The following MTUS2 variants were observed in gnomAD, a reference collection of about 807,000 sequenced individuals.
The protein encoded by MTUS2 is microtubule associated scaffold protein 2.
Under a neutral mutation model 114.1 loss-of-function variants are expected in MTUS2, and 40 were observed. The ratio of observed to expected loss-of-function variants is 0.35; its 90% CI spans 0.27 to 0.46. MTUS2 has a LOEUF of 0.46. Among genes scored for constraint, MTUS2 ranks in the 20% least tolerant of loss-of-function variants. The pLI is 1.00. For missense variants in MTUS2, 1,679 were observed against 1,705.4 expected (o/e 0.98, Z 0.27); for synonymous variants, 688 against 672.0 (o/e 1.02, Z -0.37).
At chr13:29,156,825 G>A (rs1301654761) in intron 5 of MTUS2, among the ~76,000 whole-genome samples, 3 of 151,910 alleles carry the variant, frequency 2.0e-5, no homozygotes, top group South Asian at 2.1e-4. Context: ...AATTTTTCCC[G>A]CTTTGTTACC....
At chr13:28,963,298 C>T (rs560631231) in intron 2 of MTUS2, among the ~76,000 whole-genome samples, 1 of 152,186 alleles carries the variant, frequency 6.6e-6, no homozygotes, top group Non-Finnish European at 1.5e-5. Flanking sequence ...TTGCAGTGAG[C>T]TGAGATCGTG....
At chr13:29,243,656 C>G (rs1157681421) in intron 5 of MTUS2, among the ~76,000 whole-genome samples, 1 of 151,992 alleles carries the variant, frequency 6.6e-6, no homozygotes, top group Non-Finnish European at 1.5e-5. Context: ...GGGTAGGGAG[C>G]CCAGAAAGGA....
In MTUS2 at chr13:29,442,410, C is replaced by A. The variant is rs116480653; in HGVS notation, c.3184+2361C>A. Among the ~76,000 whole-genome samples, 220 of 152,318 alleles carry A rather than the reference C, an allele frequency of 1.4e-3. 1 individual carries two copies. Among genetic ancestry groups the A allele is most frequent in the African/African-American group, 5.2e-3 (216 of 41,564 alleles). On this transcript the variant is annotated intron_variant, in intron 9 of 15. Transcript: ENST00000612955. The stretch of plus-strand genomic sequence containing the variant: ...ATATTTTTGTTTTATTCTTAAGGAA[C>A]CACAATGACTTGCTTGTGATTGGGC...
intron 7 of MTUS2, among the ~76,000 whole-genome samples, chr13:29,344,216 T>C (rs1868433771): frequency 7.6e-6 from 1 of 131,758 alleles, no homozygotes; most frequent in African/African-American, 2.7e-5. Context: ...ACTTTCTGTC[T>C]TGATGACCTG....
intron 2 of MTUS2, among the ~76,000 whole-genome samples, chr13:28,902,653 C>A (rs1879713493): frequency 6.6e-6 from 1 of 152,092 alleles, no homozygotes; most frequent in South Asian, 2.1e-4. Context: ...GTGGAACCAG[C>A]CTTGCATACC....
rs1206077808 is a variant in MTUS2 at position 29,359,464 on chromosome 13, C to T, written c.3108C>T (p.Phe1036=). ...CCCTCGCCGTGGCCACGCAGCATTT[C>T]TTTAGAAAGGTGAGGCCCCATTTCG... ...FDALAVATQH[F]FRKNESALVK... The change falls in exon 8 of 16, where the codon TTC becomes TTT. Residue 1036 remains phenylalanine (F), a synonymous_variant. Coordinates refer to ENST00000612955, the MANE Select transcript of MTUS2 (RefSeq NM_001033602.4). 1 of 1,609,824 alleles carries T rather than the reference C, an allele frequency of 6.2e-7. No individual in the cohort carries two copies. Among genetic ancestry groups the T allele is most frequent in the Non-Finnish European group, 8.5e-7 (1 of 1,178,696 alleles).
At position 29,498,472 on chromosome 13, in the gene MTUS2, G is replaced by A. The variant is rs776075433; in HGVS notation, c.3733G>A (p.Val1245Ile). ...LEEDMKSLKQ[V>I]LEMKNQQIHE... ...AGAAGACATGAAGAGTCTGAAGCAGGTATTAGAAATGAAGAATCAGCAAAT... is the reference window on the plus strand; with the variant it reads ...AGAAGACATGAAGAGTCTGAAGCAGATATTAGAAATGAAGAATCAGCAAAT... The change falls in exon 14 of 16, where the codon GTA (valine) becomes ATA (isoleucine). Residue 1245 changes from valine (V) to isoleucine (I), a missense_variant. Physicochemically the swap from Val to Ile is conservative, Grantham distance 29. Around this residue, in one of 3 missense-constraint regions of MTUS2, gnomAD observed 822 missense variants for 899.7 expected, o/e 0.91. Transcript: ENST00000612955. 1 of 1,614,184 alleles carries A rather than the reference G, an allele frequency of 6.2e-7. No homozygotes were observed. The highest frequency in any genetic ancestry group is 1.1e-5 in the South Asian group (1 of 91,082).
intron 9 of MTUS2, among the ~76,000 whole-genome samples, chr13:29,448,602 G>C (rs1431018398): frequency 6.6e-6 from 1 of 151,648 alleles, no homozygotes; most frequent in Non-Finnish European, 1.5e-5. Flanking sequence ...CAGAGCTTGT[G>C]ACAGCCTCTG....
intron 4 of MTUS2, among the ~76,000 whole-genome samples, chr13:29,048,010 A>T (rs1229386302): frequency 2.0e-5 from 3 of 152,192 alleles, no homozygotes; most frequent in African/African-American, 7.2e-5. Context: ...GCTGAATAAT[A>T]TTCTATTGTA....
chr13:29,244,374 G>C (rs9551636), intron 5 of MTUS2, among the ~76,000 whole-genome samples: 30,018 of 152,060 alleles, frequency 0.2, 3,195 homozygotes, highest in East Asian at 0.4. Context: ...CAGGGTGGTA[G>C]ATTCTGAAGA....
intron 2 of MTUS2, among the ~76,000 whole-genome samples, chr13:28,961,820 A>G (rs1883341956): frequency 6.6e-6 from 1 of 152,012 alleles, no homozygotes; most frequent in Non-Finnish European, 1.5e-5. Flanking sequence ...ATGATTTTTC[A>G]TGGTTGCATA....
chr13:29,482,258 C>G (rs539217891), intron 10 of MTUS2: 1 of 152,346 alleles, frequency 6.6e-6, no homozygotes, highest in South Asian at 2.1e-4. Flanking sequence ...CTGAGGGGAG[C>G]ATCTCCACTC....
chr13:28,837,107 G>A (rs766484788), intron 1 of MTUS2, among the ~76,000 whole-genome samples: 1 of 152,130 alleles, frequency 6.6e-6, no homozygotes, highest in Admixed American at 6.5e-5. Context: ...CCGCTTCTCT[G>A]GTAGTGTCCA....
chr13:29,100,754 T>C lies in MTUS2; in HGVS notation c.2447-19T>C, dbSNP rs769294616. ...ATGAACTGAGAATAATTTTTTAATTTTATTTGGGTTCGTTTTAGCAGATTT... is the reference window on the plus strand; with the variant it reads ...ATGAACTGAGAATAATTTTTTAATTCTATTTGGGTTCGTTTTAGCAGATTT... On this transcript the variant is annotated intron_variant, in intron 4 of 15. Transcript: ENST00000612955. 1.3e-5 allele frequency: 20 copies of C among 1,548,706 alleles called. No individual in the cohort carries two copies. The African/African-American group carries it at 2.5e-4, about 19-fold the overall frequency.
intron 2 of MTUS2, among the ~76,000 whole-genome samples, chr13:28,960,949 T>C (rs550040718): frequency 6.6e-6 from 1 of 151,164 alleles, no homozygotes; most frequent in Non-Finnish European, 1.5e-5. Flanking sequence ...ATGGATGATA[T>C]AAAGAAAAAC....
intron 8 of MTUS2, among the ~76,000 whole-genome samples, chr13:29,407,275 G>A (rs1874831950): frequency 6.6e-6 from 1 of 151,884 alleles, no homozygotes; most frequent in African/African-American, 2.4e-5. Flanking sequence ...TATTTAGATT[G>A]TTTGGGTTTT....
At position 29,026,808 on chromosome 13, in the gene MTUS2, C is replaced by A. The variant is rs200273172; in HGVS notation, c.2110C>A (p.Gln704Lys). Residue 704 changes from glutamine (Q) to lysine (K), a missense_variant, in exon 3 of 16, where the codon CAG (glutamine) becomes AAG (lysine). Gln to Lys is a moderately conservative substitution (Grantham distance 53, BLOSUM62 1). Around this residue, in one of 3 missense-constraint regions of MTUS2, gnomAD observed 822 missense variants for 899.7 expected, o/e 0.91. Transcript: ENST00000612955. ...CTATGAGAAATTCAAGCCAGACCTG[C>A]AGAAGCCAAGGGTCTTCAGTTCCGG... ...NLYEKFKPDL[Q>K]KPRVFSSGLM... 3 of 1,612,730 alleles carry A rather than the reference C, an allele frequency of 1.9e-6. No individual in the cohort carries two copies. Among genetic ancestry groups the A allele is most frequent in the Non-Finnish European group, 2.5e-6 (3 of 1,179,888 alleles).
chr13:29,183,854 A>G (rs1198855643), intron 5 of MTUS2, among the ~76,000 whole-genome samples: 1 of 152,206 alleles, frequency 6.6e-6, no homozygotes, highest in African/African-American at 2.4e-5. Flanking sequence ...TCTTACTCAT[A>G]ATTTTACTAC....
At position 28,906,055 on chromosome 13, in the gene MTUS2, G is replaced by T. The variant is rs148842727; in HGVS notation, c.-243+66205G>T. Among the ~76,000 whole-genome samples, 1,260 of 151,684 alleles carry T rather than the reference G, an allele frequency of 8.3e-3. 49 individuals carry two copies. The highest frequency in any genetic ancestry group is 0.034 in the East Asian group (175 of 5,184). Reference sequence around the variant, plus strand: ...GTTTATTTGCGTAGAGTTGTTTGTAGTATTCTCTGATGGTAGTTTATATTT... The same window carrying T: ...GTTTATTTGCGTAGAGTTGTTTGTATTATTCTCTGATGGTAGTTTATATTT... On this transcript the variant is annotated intron_variant, in intron 2 of 15. Coordinates refer to ENST00000612955, the MANE Select transcript of MTUS2 (RefSeq NM_001033602.4).
Sources: gnomAD v4.1 joint callset for allele counts (sites outside exome capture counted in the v4.1 genomes callset) on GRCh38, gnomAD v4.1.1 for gene constraint, gnomAD v4.1.1 regional missense constraint, MANE v1.5 for transcripts, NCBI Gene and HGNC (gene_info 2026-07-23, HGNC 2026-07-21) for gene names.